Variants in CCDC91 observed in about 807,000 individuals in gnomAD.
CCDC91 encodes the protein coiled-coil domain containing 91, also known as coiled-coil domain-containing protein 91.
Under a neutral mutation model 63.2 loss-of-function variants are expected in CCDC91, and 48 were observed. The observed-to-expected ratio is 0.76, with a 90% CI of 0.60 to 0.97. The LOEUF is 0.97. CCDC91 is among the 50% of genes least tolerant of loss of function. The pLI is 0.00. For missense variants in CCDC91, 500 were observed against 494.6 expected, an observed-to-expected ratio of 1.01 and a Z score of -0.10; for synonymous variants, 167 against 165.8, an observed-to-expected ratio of 1.01 and a Z score of -0.06.
chr12:28,255,743 A>G (rs1946402330), intron 1 of CCDC91: 1 of 152,162 alleles, frequency 6.6e-6, no homozygotes, highest in African/African-American at 2.4e-5. Flanking sequence ...CTGTCTAAAT[A>G]TATATTTTTT....
intron 3 of CCDC91, among the ~76,000 whole-genome samples, chr12:28,280,880 G>T (rs781098928): frequency 6.6e-6 from 1 of 151,480 alleles, no homozygotes; most frequent in Non-Finnish European, 1.5e-5. Flanking sequence ...TTAAGTCTGA[G>T]GTGAGATGAT....
intron 3 of CCDC91, among the ~76,000 whole-genome samples, chr12:28,277,170 T>C (rs1948288230): frequency 1.3e-5 from 2 of 151,950 alleles, no homozygotes; most frequent in Non-Finnish European, 2.9e-5. Context: ...GGTTCAAATA[T>C]ATTTTTATAA....
At chr12:28,458,405 A>G (rs1180590083) in intron 11 of CCDC91, among the ~76,000 whole-genome samples, 2 of 146,334 alleles carry the variant, frequency 1.4e-5, no homozygotes, top group African/African-American at 2.6e-5. Flanking sequence ...TTTTCAGTCC[A>G]GAGAATGAGA....
chr12:28,356,476 A>T (rs1943534734), intron 6 of CCDC91, among the ~76,000 whole-genome samples: 1 of 151,758 alleles, frequency 6.6e-6, no homozygotes, highest in Non-Finnish European at 1.5e-5. Flanking sequence ...CTCATTCCGA[A>T]TTTTTTCATG....
intron 6 of CCDC91, among the ~76,000 whole-genome samples, 158 bp from the exon 7 acceptor site, chr12:28,362,280 T>A (rs1408051994): frequency 1.5e-5 from 2 of 131,814 alleles, no homozygotes; most frequent in East Asian, 2.0e-4. Flanking sequence ...AAGCAAAGCT[T>A]TATATATATA....
chr12:28,527,069 A>G (rs1293633638), intron 12 of CCDC91, among the ~76,000 whole-genome samples: 3 of 152,002 alleles, frequency 2.0e-5, no homozygotes, highest in African/African-American at 7.3e-5. Context: ...TGCCTCCCTT[A>G]TTAGCTTAAT....
intron 7 of CCDC91, among the ~76,000 whole-genome samples, chr12:28,384,666 T>G (rs1945489860): frequency 6.6e-6 from 1 of 152,162 alleles, no homozygotes; most frequent in African/African-American, 2.4e-5. Context: ...AAGAGAAATC[T>G]GCTTTACTGG....
In CCDC91 at chr12:28,404,418, T is replaced by C. The variant is rs952585; in HGVS notation, c.762+13007T>C. Among the ~76,000 whole-genome samples the C allele has an allele frequency of 6.0e-3, 918 of 152,148 alleles. 13 individuals carry two copies. The highest frequency in any genetic ancestry group is 0.021 in the African/African-American group (854 of 41,546). On this transcript the variant is annotated intron_variant, in intron 8 of 12. Coordinates refer to ENST00000536442, the MANE Select transcript of CCDC91 (RefSeq NM_018318.5). ...TGAGTTTTGTTTTATGGTCCCGAAT[T>C]TGGTCTATGTTAGAAAATGTTACAT...
At chr12:28,497,025 CT>C (rs758522875) in intron 12 of CCDC91, among the ~76,000 whole-genome samples, 62 of 149,558 alleles carry the variant, frequency 4.1e-4, no homozygotes, top group Non-Finnish European at 8.0e-4. Flanking sequence ...GTGTTTCCCC[CT>C]GATTACTCAG....
At chr12:28,384,350 C>G (rs1429990911) in intron 7 of CCDC91, among the ~76,000 whole-genome samples, 4 of 152,048 alleles carry the variant, frequency 2.6e-5, no homozygotes, top group African/African-American at 7.2e-5. Context: ...AGGATTAACT[C>G]TTTCACTACC....
intron 12 of CCDC91, among the ~76,000 whole-genome samples, chr12:28,493,009 G>A (rs1472359093): frequency 6.6e-6 from 1 of 151,384 alleles, no homozygotes; most frequent in Non-Finnish European, 1.5e-5. Context: ...AACTTAAATG[G>A]AAATTTAAGT....
At chr12:28,430,093 T>C (rs1283375481) in intron 8 of CCDC91, among the ~76,000 whole-genome samples, 1 of 152,048 alleles carries the variant, frequency 6.6e-6, no homozygotes, top group Non-Finnish European at 1.5e-5. Flanking sequence ...TTTAATACTA[T>C]TACAAATATT....
At chr12:28,467,607 G>A (rs1336064505) in intron 11 of CCDC91, among the ~76,000 whole-genome samples, 1 of 151,956 alleles carries the variant, frequency 6.6e-6, no homozygotes, top group Non-Finnish European at 1.5e-5. Context: ...TAAAGCAAAT[G>A]GATCTAATAG....
At chr12:28,234,439 ATAGTCAACTTTTTCAT>A (rs1461858381) in intron 1 of CCDC91, among the ~76,000 whole-genome samples, 1 of 152,202 alleles carries the variant, frequency 6.6e-6, no homozygotes, top group Non-Finnish European at 1.5e-5. Context: ...ACTGTTACAA[ATAGTCAACTTTTTCAT>A]GGAAACAACT....
At chr12:28,362,282 A>ATATATATATAAATGT (rs1191858747) in intron 6 of CCDC91, among the ~76,000 whole-genome samples, 156 bp from the exon 7 acceptor site, 2 of 147,968 alleles carry the variant, frequency 1.4e-5, no homozygotes, top group African/African-American at 2.4e-5. Context: ...GCAAAGCTTT[A>ATATATATATAAATGT]TATATATATA....
chr12:28,324,716 G>A (rs755627887), intron 6 of CCDC91, among the ~76,000 whole-genome samples: 9 of 151,754 alleles, frequency 5.9e-5, no homozygotes, highest in Middle Eastern at 6.8e-3. Context: ...TTGAGTTATT[G>A]TGAAGATTAA....
chr12:28,220,129 A>G (rs1052307324), intron 1 of CCDC91, among the ~76,000 whole-genome samples: 6 of 152,080 alleles, frequency 3.9e-5, no homozygotes, highest in Non-Finnish European at 8.8e-5. Context: ...TTGAGTTTAA[A>G]TATATCATTT....
At chr12:28,390,005 TA>T (rs1945836111) in intron 7 of CCDC91, among the ~76,000 whole-genome samples, 1 of 152,120 alleles carries the variant, frequency 6.6e-6, no homozygotes, top group African/African-American at 2.4e-5. Flanking sequence ...GCAATTCTAG[TA>T]AGCATTTTCC....
intron 12 of CCDC91, among the ~76,000 whole-genome samples, chr12:28,529,033 A>G (rs1397475094): frequency 6.6e-6 from 1 of 152,100 alleles, no homozygotes; most frequent in African/African-American, 2.4e-5. Context: ...GTATATATAT[A>G]TAAAAGTATA....
Sources: allele counts gnomAD v4.1 joint callset (sites outside exome capture counted in the v4.1 genomes callset), GRCh38; gene constraint gnomAD v4.1.1; transcripts MANE v1.5; gene names NCBI Gene and HGNC (gene_info 2026-07-23, HGNC 2026-07-21).